FLG: variants seen among roughly 807,000 people sequenced by gnomAD.
FLG encodes filaggrin, also known as epidermal filaggrin.
In FLG, 6 loss-of-function variants were observed where a neutral mutation model predicts 3.8. That is an observed-to-expected ratio of 1.60 (90% CI 0.87 to 3.15). The LOEUF is 3.15. Ranked by LOEUF, FLG falls within the 30% of genes most tolerant of loss-of-function variation. FLG has a pLI of 0.00. For missense variants in FLG, 7,595 were observed against 5,050.9 expected, an observed-to-expected ratio of 1.50 and a Z score of -15.27; for synonymous variants, 2,551 against 1,931.6, an observed-to-expected ratio of 1.32 and a Z score of -8.41.
Position 152,312,835 on chromosome 1 carries a change from T to C in FLG, c.2051A>G (p.His684Arg), listed in dbSNP as rs1652556486. 6.2e-7 allele frequency: 1 copy of C among 1,614,090 alleles called. No homozygotes were observed. The highest frequency in any genetic ancestry group is 2.2e-5 in the East Asian group (1 of 44,856). Residue 684 changes from histidine (H) to arginine (R), a missense_variant, in exon 3 of 3, where the codon CAC becomes CGC. His to Arg is a conservative substitution (Grantham distance 29, BLOSUM62 0). Transcript: ENST00000368799. ...CTGTCCACTAGAGGAATTCTGTGTGTGACGAGTGCCTGATTTTCTGGAGCT... is the reference window on the plus strand; with the variant it reads ...CTGTCCACTAGAGGAATTCTGTGTGCGACGAGTGCCTGATTTTCTGGAGCT... ...ADSSRKSGTR[H>R]TQNSSSGQAA...
At position 152,313,333 on chromosome 1, in the gene FLG, C is replaced by G. The variant is rs766607933; in HGVS notation, c.1553G>C (p.Gly518Ala). ...ASQEGQDTIRGHPGSSRGGRQ... is the reference protein window; with the variant it reads ...ASQEGQDTIRAHPGSSRGGRQ... ...TCCTCCTCTGCTTGACCCCGGGTGT[C>G]CACGAATGGTGTCCTGACCCTCTTG... The change falls in exon 3 of 3, where the codon GGA (glycine) becomes GCA (alanine). Residue 518 changes from glycine to alanine, a missense_variant. Physicochemically the swap from Gly to Ala is moderately conservative, Grantham distance 60. Transcript: ENST00000368799. 4.0e-5 allele frequency: 65 copies of G among 1,613,510 alleles called. No homozygotes were observed. The highest frequency in any genetic ancestry group is 5.3e-5 in the Non-Finnish European group (63 of 1,179,934).
In FLG at chr1:152,308,644, C is replaced by G. The variant is rs1349550879; in HGVS notation, c.6242G>C (p.Gly2081Ala). Residue 2081 changes from glycine (G) to alanine (A), a missense_variant, in exon 3 of 3, where the codon GGG becomes GCG. By Grantham distance (60) the Gly-to-Ala change is moderately conservative. Coordinates refer to ENST00000368799, the MANE Select transcript of FLG (RefSeq NM_002016.2). Reference sequence around the variant, plus strand: ...AGACCCTGAACGTCCAGAGCTTTCCCCTGACTGGCCACGTGCGGACTCTTT... The same window carrying G: ...AGACCCTGAACGTCCAGAGCTTTCCGCTGACTGGCCACGTGCGGACTCTTT... ...SHKESARGQS[G>A]ESSGRSGSFL... is the part of the protein sequence containing the mutation. The G allele has an allele frequency of 6.2e-7, 1 of 1,614,140 alleles. No homozygotes were observed. The highest frequency in any genetic ancestry group is 1.1e-5 in the South Asian group (1 of 91,082).
Position 152,307,113 on chromosome 1 carries a change from A to G in FLG, c.7773T>C (p.His2591=), listed in dbSNP as rs768651989. 7.4e-6 allele frequency: 12 copies of G among 1,610,994 alleles called. No individual in the cohort carries two copies. In the African/African-American group the frequency reaches 1.4e-4, roughly 18 times the overall value. Residue 2591 remains histidine (H), a synonymous_variant, in exon 3 of 3, where the codon CAT becomes CAC. Transcript: ENST00000368799. ...TTAGCTGCTCCTGAGCAGATCCATG[A>G]TGGTTTCTGGAAGCAGACCCAGACC... ...ERWSGSASRN[H]HGSAQEQLRD...
At chr1:152,321,300 C>G (rs1337625875) in intron 1 of FLG, among the ~76,000 whole-genome samples, 1 of 150,204 alleles carries the variant, frequency 6.7e-6, no homozygotes, top group Non-Finnish European at 1.5e-5. Flanking sequence ...ACAAATTAAG[C>G]CCTAAGAAAG....
rs147145234 is a variant in FLG, at chr1:152,308,647, G to T, written c.6239C>A (p.Ser2080Ter). The change falls in exon 3 of 3, where the codon TCA becomes TAA. Residue 2080 changes from serine to a stop codon, truncating the protein, a stop_gained. Coordinates refer to ENST00000368799, the MANE Select transcript of FLG (RefSeq NM_002016.2). LOFTEE classifies it low-confidence loss of function (END_TRUNC). Reference protein sequence around the residue: ...QSHKESARGQSGESSGRSGSF... With the variant: ...QSHKESARGQ ...CCCTGAACGTCCAGAGCTTTCCCCT[G>T]ACTGGCCACGTGCGGACTCTTTGTG... The T allele has an allele frequency of 1.8e-4, 297 of 1,614,048 alleles. 1 individual carries two copies. The highest frequency in any genetic ancestry group is 2.4e-4 in the Non-Finnish European group (287 of 1,180,022).
In FLG at chr1:152,311,462, G is replaced by T; in HGVS notation, c.3424C>A (p.Gln1142Lys). Residue 1142 changes from glutamine (Q) to lysine (K), a missense_variant, in exon 3 of 3, where the codon CAA becomes AAA. By Grantham distance (53) the Gln-to-Lys change is moderately conservative. Coordinates refer to ENST00000368799, the MANE Select transcript of FLG (RefSeq NM_002016.2). ...CGTGCCTGCTCGTGGTGGGATCCTT[G>T]TCTTCGTCCAGTGCTGGTCCTGGTC... ...GRTRTSTGRR[Q>K]GSHHEQARDS... 1.2e-6 allele frequency: 2 copies of T among 1,613,772 alleles called. No individual in the cohort carries two copies. The highest frequency in any genetic ancestry group is 4.5e-5 in the East Asian group (2 of 44,818).
Position 152,305,003 on chromosome 1 carries a change from T to G in FLG, c.9883A>C (p.Arg3295=), listed in dbSNP as rs765010019. 4 of 1,613,698 alleles carry G rather than the reference T, an allele frequency of 2.5e-6. No individual in the cohort carries two copies. In the East Asian group the frequency reaches 8.9e-5, roughly 36 times the overall value. ...GQAASSHEQA[R]SSPGERHGSR... ...CCGTGTCTCTCTCCTGGACTTGATCTTGCCTGTTCATGGGATGATGCAGCC... is the reference window on the plus strand; with the variant it reads ...CCGTGTCTCTCTCCTGGACTTGATCGTGCCTGTTCATGGGATGATGCAGCC... Residue 3295 remains arginine, a synonymous_variant, in exon 3 of 3, where the codon AGA becomes CGA. Transcript: ENST00000368799.
In FLG at chr1:152,310,241, G is replaced by C. The variant is rs1348207762; in HGVS notation, c.4645C>G (p.Gln1549Glu). Reference protein sequence around the residue: ...SASRQTRNEEQSGDGSRHSGS... With the variant: ...SASRQTRNEEESGDGSRHSGS... ...GAGTGCCTGGAGCCGTCTCCTGATT[G>C]TTCCTCATTTCTTGTTTGCCTGCTT... The change falls in exon 3 of 3, where the codon CAA (glutamine) becomes GAA (glutamate). Residue 1549 changes from glutamine to glutamate, a missense_variant. Transcript: ENST00000368799. 2 of 1,613,864 alleles carry C rather than the reference G, an allele frequency of 1.2e-6. No individual in the cohort carries two copies. The highest frequency in any genetic ancestry group is 1.7e-5 in the Admixed American group (1 of 59,988).
chr1:152,309,652 T>C lies in FLG; in HGVS notation c.5234A>G (p.Gln1745Arg), dbSNP rs758349755. The change falls in exon 3 of 3, where the codon CAG becomes CGG. Residue 1745 changes from glutamine (Q) to arginine (R), a missense_variant. Physicochemically the swap from Gln to Arg is conservative, Grantham distance 43. Coordinates refer to ENST00000368799, the MANE Select transcript of FLG (RefSeq NM_002016.2). ...GCCACGTGTGGACTCTTGGTGGCTC[T>C]GCTGATGGGGCCCAGCCTGTCCGTG... ...SAHGQAGPHQ[Q>R]SHQESTRGQS... 1 of 1,613,762 alleles carries C rather than the reference T, an allele frequency of 6.2e-7. No homozygotes were observed. The highest frequency in any genetic ancestry group is 8.5e-7 in the Non-Finnish European group (1 of 1,179,888).
rs199933055 is a variant in FLG, at chr1:152,304,014, C to G, written c.10872G>C (p.Glu3624Asp). The change falls in exon 3 of 3, where the codon GAG becomes GAC. Residue 3624 changes from glutamate (E) to aspartate (D), a missense_variant. Glu to Asp is a conservative substitution (Grantham distance 45). Transcript: ENST00000368799. ...SHEQARSSAG[E>D]RHGSHHQQSA... Reference sequence around the variant, plus strand: ...ACTGCTGGTGGTGGGATCCATGTCTCTCTCCTGCACTTGATCTTGCCTGTT... The same window carrying G: ...ACTGCTGGTGGTGGGATCCATGTCTGTCTCCTGCACTTGATCTTGCCTGTT... The G allele has an allele frequency of 6.3e-5, 101 of 1,613,360 alleles. 2 individuals carry two copies. The Middle Eastern group carries it at 6.6e-4, about 11-fold the overall frequency.
Position 152,309,732 on chromosome 1 carries a change from C to A in FLG, c.5154G>T (p.Gln1718His), listed in dbSNP as rs533149706. The change falls in exon 3 of 3, where the codon CAG (glutamine) becomes CAT (histidine). Residue 1718 changes from glutamine (Q) to histidine (H), a missense_variant. Gln to His is a conservative substitution (Grantham distance 24, BLOSUM62 0). Transcript: ENST00000368799. ...DSGNRGSSGS[Q>H]ASDSEGHSEE... Reference sequence around the variant, plus strand: ...CTGAGTGTCCCTCGCTGTCACTGGCCTGGCTACCACTGGACCCTCGGTTTC... The same window carrying A: ...CTGAGTGTCCCTCGCTGTCACTGGCATGGCTACCACTGGACCCTCGGTTTC... The A allele has an allele frequency of 6.2e-7, 1 of 1,614,090 alleles. No homozygotes were observed. Among genetic ancestry groups the A allele is most frequent in the African/African-American group, 1.3e-5 (1 of 75,014 alleles).
rs71625190 is a variant in FLG at position 152,312,330 on chromosome 1, C to A, written c.2556G>T (p.Arg852Ser). The change falls in exon 3 of 3, where the codon AGG becomes AGT. Residue 852 changes from arginine (R) to serine (S), a missense_variant. By Grantham distance (110) the Arg-to-Ser change is moderately radical (BLOSUM62 -1). Transcript: ENST00000368799. ...CCGATTGCTCGTGGTGGGACCCCTG[C>A]CTTCCTCTTCTGCTTGACCCCGGGT... is the stretch of plus-strand genomic sequence containing the variant. ...RGHPGSSRRG[R>S]QGSHHEQSVD... 6.3e-7 allele frequency: 1 copy of A among 1,578,188 alleles called. No homozygotes were observed.
In FLG at chr1:152,308,612, A is replaced by T; in HGVS notation, c.6274T>A (p.Tyr2092Asn). 6.2e-7 allele frequency: 1 copy of T among 1,614,086 alleles called. No homozygotes were observed. The highest frequency in any genetic ancestry group is 8.5e-7 in the Non-Finnish European group (1 of 1,179,996). ...ESSGRSGSFL[Y>N]QVSTHEQSES... ...GACTGTTCATGAGTGCTCACCTGGTAGAGGAAAGACCCTGAACGTCCAGAG... is the reference window on the plus strand; with the variant it reads ...GACTGTTCATGAGTGCTCACCTGGTTGAGGAAAGACCCTGAACGTCCAGAG... Residue 2092 changes from tyrosine to asparagine, a missense_variant, in exon 3 of 3, where the codon TAC (tyrosine) becomes AAC (asparagine). Tyr to Asn is a moderately radical substitution (Grantham distance 143). Coordinates refer to ENST00000368799, the MANE Select transcript of FLG (RefSeq NM_002016.2).
rs746687841 is a variant in FLG at position 152,303,788 on chromosome 1, A to G, written c.11098T>C (p.Ser3700Pro). 2 of 1,612,974 alleles carry G rather than the reference A, an allele frequency of 1.2e-6. No homozygotes were observed. Among genetic ancestry groups the G allele is most frequent in the Admixed American group, 3.3e-5 (2 of 59,806 alleles). ...QSHQESTRGR[S>P]AGRSGRSGSF... ...CCTGAACGTCCAGACCTTCCTGCTG[A>G]CCGGCCACGTGTGGACTCTTGGTGG... Residue 3700 changes from serine (S) to proline (P), a missense_variant, in exon 3 of 3, where the codon TCA (serine) becomes CCA (proline). Transcript: ENST00000368799.
At position 152,302,915 on chromosome 1, in the gene FLG, A is replaced by G. The variant is rs1570891979; in HGVS notation, c.11971T>C (p.Phe3991Leu). The stretch of plus-strand genomic sequence containing the variant: ...ACACTTCCGTGCTGAGAGTGTCTAA[A>G]CCCGGATTCACCATAATCATAATCT... ...SADYDYGESG[F>L]RHSQHGSVSY... is the part of the protein sequence containing the mutation. The change falls in exon 3 of 3, where the codon TTT becomes CTT. Residue 3991 changes from phenylalanine to leucine, a missense_variant. Transcript: ENST00000368799. The G allele has an allele frequency of 1.5e-5, 24 of 1,614,142 alleles. No homozygotes were observed. The highest frequency in any genetic ancestry group is 2.0e-5 in the Non-Finnish European group (24 of 1,180,048).
chr1:152,313,518 G>T lies in FLG; in HGVS notation c.1368C>A (p.Gly456=). The T allele has an allele frequency of 1.2e-6, 2 of 1,613,964 alleles. No individual in the cohort carries two copies. Among genetic ancestry groups the T allele is most frequent in the Non-Finnish European group, 1.7e-6 (2 of 1,180,020 alleles). ...AACGTCCAGACCGTTCCCCTGACCGGCCACGTGTGGACTCTTGGTGGCTCT... is the reference window on the plus strand; with the variant it reads ...AACGTCCAGACCGTTCCCCTGACCGTCCACGTGTGGACTCTTGGTGGCTCT... ...RQQSHQESTR[G]RSGERSGRSG... The change falls in exon 3 of 3, where the codon GGC becomes GGA. Residue 456 remains glycine, a synonymous_variant. Coordinates refer to ENST00000368799, the MANE Select transcript of FLG (RefSeq NM_002016.2).
Position 152,302,723 on chromosome 1 carries a change from GTGAC to G in FLG, c.12159_12162del (p.Gln4053HisfsTer20). ...TCTTACTCATAGTAATAGTATCTCT[GTGAC>G]TGACTAAATCCCAGTTGTTTCGATA... On this transcript the variant is annotated frameshift_variant, in exon 3 of 3. Coordinates refer to ENST00000368799, the MANE Select transcript of FLG (RefSeq NM_002016.2). LOFTEE classifies it high-confidence loss of function. 6.2e-7 allele frequency: 1 copy of G among 1,613,658 alleles called. No homozygotes were observed. Among genetic ancestry groups the G allele is most frequent in the African/African-American group, 1.3e-5 (1 of 75,018 alleles).
chr1:152,302,851 G>T lies in FLG; in HGVS notation c.12035C>A (p.Ser4012Tyr). The change falls in exon 3 of 3, where the codon TCT (serine) becomes TAT (tyrosine). Residue 4012 changes from serine (S) to tyrosine (Y), a missense_variant. Ser to Tyr is a moderately radical substitution (Grantham distance 144, BLOSUM62 -2). Coordinates refer to ENST00000368799, the MANE Select transcript of FLG (RefSeq NM_002016.2). ...AAACGCACTTGCTTTACAGATATCA[G>T]ATCTTTCCTTGAAAACAACAGGATT... ...NSNPVVFKERSDICKASAFGK... is the reference protein window; with the variant it reads ...NSNPVVFKERYDICKASAFGK... 6.2e-7 allele frequency: 1 copy of T among 1,614,186 alleles called. No homozygotes were observed. Among genetic ancestry groups the T allele is most frequent in the Non-Finnish European group, 8.5e-7 (1 of 1,180,032 alleles).
chr1:152,304,479 G>A lies in FLG; in HGVS notation c.10407C>T (p.Ser3469=). Residue 3469 remains serine, a synonymous_variant, in exon 3 of 3, where the codon TCC becomes TCT. Transcript: ENST00000368799. ...HSGSHHSHTT[S]QGRSDASRGQ... ...CACGGGAGGCATCAGACCTTCCCTG[G>A]GATGTGGTGTGGCTGTGATGGGACC... 1.9e-6 allele frequency: 3 copies of A among 1,612,758 alleles called. No homozygotes were observed. The highest frequency in any genetic ancestry group is 2.5e-6 in the Non-Finnish European group (3 of 1,179,622).
Sources: gnomAD v4.1 joint callset for allele counts (sites outside exome capture counted in the v4.1 genomes callset) on GRCh38, gnomAD v4.1.1 for gene constraint, MANE v1.5 for transcripts, NCBI Gene and HGNC (gene_info 2026-07-23, HGNC 2026-07-21) for gene names.